LRRC8B: variants seen among roughly 807,000 people sequenced by gnomAD.
LRRC8B encodes leucine rich repeat containing 8 VRAC subunit B.
A neutral mutation model predicts 58.8 loss-of-function variants in LRRC8B; 23 were observed. That is an observed-to-expected ratio of 0.39 (90% CI 0.28 to 0.55). The LOEUF (loss-of-function observed/expected upper bound fraction) is 0.55, where lower values mean the gene tolerates loss of function less well. LRRC8B is among the 20% of genes least tolerant of loss of function. The pLI is 0.62. For missense variants in LRRC8B, 694 were observed against 936.0 expected, an observed-to-expected ratio of 0.74 and a Z score of 3.37; for synonymous variants, 359 against 374.1, an observed-to-expected ratio of 0.96 and a Z score of 0.47.
rs1373552127 is a variant in LRRC8B at position 89,593,250 on chromosome 1, G to A, written c.*207G>A. 17 of 508,430 alleles carry A rather than the reference G, an allele frequency of 3.3e-5. No individual in the cohort carries two copies. The highest frequency in any genetic ancestry group is 9.9e-5 in the East Asian group (3 of 30,180). The allele number at this position is 508,430 out of a possible 1,614,324, so 31.5% of individuals were successfully genotyped here. A position where few individuals can be genotyped will look rare whatever the true frequency, so the allele number is the denominator to read the frequency against. On this transcript the variant is annotated 3_prime_UTR_variant, in exon 6 of 6. Coordinates refer to ENST00000330947, the MANE Select transcript of LRRC8B (RefSeq NM_001369817.2). ...AAATTAGCCAGGCGTGGTGGCGTGCGCCTGTAATCCCAGCTACTTGGGAGG... is the reference window on the plus strand; with the variant it reads ...AAATTAGCCAGGCGTGGTGGCGTGCACCTGTAATCCCAGCTACTTGGGAGG...
chr1:89,538,888 T>G (rs1168301032), intron 1 of LRRC8B, among the ~76,000 whole-genome samples: 1 of 152,012 alleles, frequency 6.6e-6, no homozygotes. Flanking sequence ...ACCCGGCTAA[T>G]TTACGTATTT....
rs1046429678 is a variant in LRRC8B at position 89,556,358 on chromosome 1, C to G, written c.-240-11889C>G. Among the ~76,000 whole-genome samples the G allele has an allele frequency of 8.5e-5, 13 of 152,070 alleles. 1 individual carries two copies. Among genetic ancestry groups the G allele is most frequent in the Admixed American group, 7.9e-4 (12 of 15,258 alleles). On this transcript the variant is annotated intron_variant, in intron 1 of 5. Coordinates refer to ENST00000330947, the MANE Select transcript of LRRC8B (RefSeq NM_001369817.2). The stretch of plus-strand genomic sequence containing the variant: ...CTGAGTTGTATCCTTTATAATAAAT[C>G]AATAAAGGTAAGTAAAGTGTTTTCC...
chr1:89,543,843 A>G (rs1651205972), intron 1 of LRRC8B, among the ~76,000 whole-genome samples: 1 of 151,772 alleles, frequency 6.6e-6, no homozygotes, highest in African/African-American at 2.4e-5. Context: ...GCTGGAGTCC[A>G]GTGGCACTGT....
intron 1 of LRRC8B, among the ~76,000 whole-genome samples, chr1:89,554,924 C>CTG (rs1202636560): frequency 6.6e-6 from 1 of 152,156 alleles, no homozygotes; most frequent in Non-Finnish European, 1.5e-5. Flanking sequence ...CTTAGAGACT[C>CTG]TGTGTGTTGT....
At chr1:89,553,520 A>G (rs1358389418) in intron 1 of LRRC8B, among the ~76,000 whole-genome samples, 4 of 152,172 alleles carry the variant, frequency 2.6e-5, no homozygotes, top group Non-Finnish European at 5.9e-5. Context: ...ATCTTTGCCT[A>G]TTCTAAAAGT....
At chr1:89,586,196 G>A (rs962385070) in intron 5 of LRRC8B, among the ~76,000 whole-genome samples, 10 of 152,174 alleles carry the variant, frequency 6.6e-5, no homozygotes, top group Non-Finnish European at 1.3e-4. Context: ...CAGGGTTTCC[G>A]ATTCAGTAGG....
chr1:89,533,888 T>C (rs1194756626), intron 1 of LRRC8B, among the ~76,000 whole-genome samples: 1 of 152,240 alleles, frequency 6.6e-6, no homozygotes, highest in Non-Finnish European at 1.5e-5. Context: ...CCTTGAAGGT[T>C]GGAAGTAACA....
At chr1:89,560,266 C>T (rs553236134) in intron 1 of LRRC8B, among the ~76,000 whole-genome samples, 1 of 152,258 alleles carries the variant, frequency 6.6e-6, no homozygotes, top group East Asian at 1.9e-4. Flanking sequence ...TTGATTTGAA[C>T]ATCTAATCAC....
At chr1:89,530,747 T>C (rs1650063345) in intron 1 of LRRC8B, among the ~76,000 whole-genome samples, 1 of 152,138 alleles carries the variant, frequency 6.6e-6, no homozygotes, top group Non-Finnish European at 1.5e-5. Context: ...GGGATGGCCT[T>C]CTCAAAGCGG....
At chr1:89,580,526 A>G (rs1654144978) in intron 4 of LRRC8B, among the ~76,000 whole-genome samples, 1 of 152,168 alleles carries the variant, frequency 6.6e-6, no homozygotes, top group Middle Eastern at 3.2e-3. Flanking sequence ...CCCTGGCCAC[A>G]TCATATTTAT....
rs1233038314 is a variant in LRRC8B, at chr1:89,593,840, G to T, written c.*797G>T. On this transcript the variant is annotated 3_prime_UTR_variant, in exon 6 of 6. Coordinates refer to ENST00000330947, the MANE Select transcript of LRRC8B (RefSeq NM_001369817.2). ...ATGTTCCTAAATTTTTTTAGATAGG[G>T]TATGTTGTGCTTGGCAGAATTCTTT... 2 of 152,092 alleles carry T rather than the reference G, an allele frequency of 1.3e-5. No homozygotes were observed. The highest frequency in any genetic ancestry group is 2.9e-5 in the Non-Finnish European group (2 of 68,040). The allele number at this position is 152,092 out of a possible 1,614,324, so 9.4% of individuals were successfully genotyped here. A position where few individuals can be genotyped will look rare whatever the true frequency, so the allele number is the denominator to read the frequency against.
At position 89,568,480 on chromosome 1, in the gene LRRC8B, C is replaced by G. The variant is rs182597931; in HGVS notation, c.-138C>G. ...GACTAATTGCAGAGGTTCCAGTTGA[C>G]CAGCATTCATAGGGTAAGATTAACA... is the stretch of plus-strand genomic sequence containing the variant. On this transcript the variant is annotated 5_prime_UTR_variant, in exon 3 of 6. Coordinates refer to ENST00000330947, the MANE Select transcript of LRRC8B (RefSeq NM_001369817.2). 6.6e-6 allele frequency: 1 copy of G among 152,158 alleles called. No individual in the cohort carries two copies. The highest frequency in any genetic ancestry group is 1.9e-4 in the East Asian group (1 of 5,176). 9.4% of individuals were successfully genotyped at this position (152,158 alleles called of 1,614,324 possible). A position where few individuals can be genotyped will look rare whatever the true frequency, so the allele number is the denominator to read the frequency against.
chr1:89,582,967 A>G lies in LRRC8B; in HGVS notation c.317A>G (p.Asp106Gly). The change falls in exon 5 of 6, where the codon GAT becomes GGT. Residue 106 changes from aspartate (D) to glycine (G), a missense_variant. Transcript: ENST00000330947. ...CACCGACAGCAGTACTCCTATATTGATGCCGTCTGTTACGAGAAACAGCTC... is the reference window on the plus strand; with the variant it reads ...CACCGACAGCAGTACTCCTATATTGGTGCCGTCTGTTACGAGAAACAGCTC... ...DLHRQQYSYI[D>G]AVCYEKQLHW... 2 of 1,614,132 alleles carry G rather than the reference A, an allele frequency of 1.2e-6. No individual in the cohort carries two copies. The highest frequency in any genetic ancestry group is 1.7e-6 in the Non-Finnish European group (2 of 1,180,032).
At chr1:89,533,152 T>C (rs1438908634) in intron 1 of LRRC8B, among the ~76,000 whole-genome samples, 1 of 152,240 alleles carries the variant, frequency 6.6e-6, no homozygotes. Flanking sequence ...CCTACAAATT[T>C]ATTGTCCACA....
chr1:89,560,012 A>C (rs1482073071), intron 1 of LRRC8B, among the ~76,000 whole-genome samples: 5 of 152,212 alleles, frequency 3.3e-5, no homozygotes, highest in Admixed American at 2.0e-4. Flanking sequence ...AATCACAGTT[A>C]ATAAACTCAT....
chr1:89,558,102 A>C (rs1652326793), intron 1 of LRRC8B, among the ~76,000 whole-genome samples: 2 of 152,190 alleles, frequency 1.3e-5, no homozygotes, highest in African/African-American at 4.8e-5. Flanking sequence ...AGGCAGCATG[A>C]TAAAGCAAGA....
intron 1 of LRRC8B, among the ~76,000 whole-genome samples, chr1:89,541,433 C>T (rs1303691809): frequency 9.9e-5 from 15 of 151,614 alleles, no homozygotes; most frequent in African/African-American, 2.9e-4. Context: ...GCTTTCTGGC[C>T]GGGCGCGGTG....
At chr1:89,528,150 A>G (rs1196027116) in intron 1 of LRRC8B, among the ~76,000 whole-genome samples, 1 of 151,936 alleles carries the variant, frequency 6.6e-6, no homozygotes, top group East Asian at 1.9e-4. Context: ...CTCATCTGTC[A>G]TCCTGTGACC....
intron 1 of LRRC8B, among the ~76,000 whole-genome samples, chr1:89,529,287 T>A (rs1357554693): frequency 6.6e-6 from 1 of 152,242 alleles, no homozygotes; most frequent in East Asian, 1.9e-4. Flanking sequence ...ATATTTTAAA[T>A]ACTTGGGCAT....
Sources: gnomAD v4.1 joint callset for allele counts (sites outside exome capture counted in the v4.1 genomes callset) on GRCh38, gnomAD v4.1.1 for gene constraint, MANE v1.5 for transcripts, NCBI Gene and HGNC (gene_info 2026-07-23, HGNC 2026-07-21) for gene names.